CHODL: variants seen among roughly 807,000 people sequenced by gnomAD.
CHODL encodes transmembrane protein MT75.
In CHODL, 29 loss-of-function variants were observed where a neutral mutation model predicts 34.5. The observed-to-expected ratio is 0.84, with a 90% confidence interval of 0.63 to 1.15. The LOEUF (loss-of-function observed/expected upper bound fraction) is 1.15, where lower values mean the gene tolerates loss of function less well. CHODL is among the 50% of genes most tolerant of loss of function. The pLI is 0.00. For synonymous variants in CHODL, 125 were observed against 116.1 expected (o/e 1.08, Z -0.49); for missense variants, 332 against 332.5 (o/e 1.00, Z 0.01).
At chr21:18,044,786 C>T (rs1444434568) in intron 2 of CHODL, among the ~76,000 whole-genome samples, 2 of 151,834 alleles carry the variant, frequency 1.3e-5, no homozygotes, top group Non-Finnish European at 2.9e-5. Context: ...GCAAGCTAGC[C>T]TAAATTTACT....
At chr21:18,028,484 G>A (rs577736026) in intron 2 of CHODL, among the ~76,000 whole-genome samples, 1 of 151,838 alleles carries the variant, frequency 6.6e-6, no homozygotes, top group Admixed American at 6.6e-5. Context: ...ATCACCTGAG[G>A]TCAGGAGTTC....
At chr21:18,208,403 C>T (rs1028892783) in intron 2 of CHODL, among the ~76,000 whole-genome samples, 4 of 152,022 alleles carry the variant, frequency 2.6e-5, no homozygotes, top group African/African-American at 9.7e-5. Context: ...TCTTTAATTT[C>T]ATTGAGTTTC....
chr21:17,918,536 G>C (rs1252879057), intron 1 of CHODL, among the ~76,000 whole-genome samples: 1 of 151,980 alleles, frequency 6.6e-6, no homozygotes, highest in Non-Finnish European at 1.5e-5. Flanking sequence ...TTGAGATTCA[G>C]AACTGCCCCC....
intron 2 of CHODL, among the ~76,000 whole-genome samples, chr21:18,164,173 A>G (rs2073127650): frequency 6.6e-6 from 1 of 152,208 alleles, no homozygotes; most frequent in African/African-American, 2.4e-5. Context: ...CCAGGCTGCC[A>G]AGCAGCACAG....
intron 2 of CHODL, among the ~76,000 whole-genome samples, chr21:18,145,494 T>C (rs1426542291): frequency 6.7e-6 from 1 of 149,078 alleles, no homozygotes; most frequent in African/African-American, 2.5e-5. Context: ...ATCTTTAACC[T>C]ATATGTGAAA....
At position 18,265,977 on chromosome 21, in the gene CHODL, C is replaced by T. The variant is rs1297791674; in HGVS notation, c.761C>T (p.Pro254Leu). ...HKSKGRTKTS[P>L]NQSTLWISKS... The stretch of plus-strand genomic sequence containing the variant: ...AGTAAAGGAAGAACAAAAACTAGTC[C>T]AAACCAGTCTACACTGTGGATTTCA... The change falls in exon 6 of 6, where the codon CCA (proline) becomes CTA (leucine). Residue 254 changes from proline to leucine, a missense_variant. By Grantham distance (98) the Pro-to-Leu change is moderately conservative. Transcript: ENST00000299295. 2.5e-6 allele frequency: 4 copies of T among 1,612,834 alleles called. No homozygotes were observed. Among genetic ancestry groups the T allele is most frequent in the East Asian group, 2.2e-5 (1 of 44,786 alleles).
chr21:18,131,892 T>C (rs2072659286), intron 2 of CHODL, among the ~76,000 whole-genome samples: 1 of 152,188 alleles, frequency 6.6e-6, no homozygotes, highest in African/African-American at 2.4e-5. Flanking sequence ...AGAATTATCT[T>C]TTTTAAAAAG....
chr21:18,139,013 T>G (rs557913816), intron 2 of CHODL, among the ~76,000 whole-genome samples: 2 of 152,244 alleles, frequency 1.3e-5, no homozygotes, highest in South Asian at 4.1e-4. Context: ...TTTATTTTCT[T>G]CTATGTCATT....
Position 18,227,433 on chromosome 21 carries a change from G to A in CHODL, c.-44-29076G>A, listed in dbSNP as rs184884645. Among the ~76,000 whole-genome samples, 11 of 152,090 alleles carry A rather than the reference G, an allele frequency of 7.2e-5. No individual in the cohort carries two copies. In the East Asian group the frequency reaches 1.7e-3, roughly 24 times the overall value. ...TTTTAAAACATTGTTTAAACACCTC[G>A]TTTAAAACTTTACAACATATATGTT... On this transcript the variant is annotated intron_variant, in intron 2 of 6. Transcript: ENST00000400127.
chr21:17,984,873 C>T (rs1447600556), intron 1 of CHODL, among the ~76,000 whole-genome samples: 2 of 152,054 alleles, frequency 1.3e-5, no homozygotes, highest in Non-Finnish European at 2.9e-5. Flanking sequence ...ATTTGAAGTA[C>T]TTATATTGTC....
chr21:18,109,861 G>T (rs535923886), intron 2 of CHODL, among the ~76,000 whole-genome samples: 1 of 152,222 alleles, frequency 6.6e-6, no homozygotes, highest in East Asian at 1.9e-4. Flanking sequence ...GCATAAAAAG[G>T]TTAGAGGAAT....
chr21:18,232,971 A>ATATATATATATATATG (rs2073996822), intron 2 of CHODL, among the ~76,000 whole-genome samples: 1 of 133,874 alleles, frequency 7.5e-6, no homozygotes, highest in Non-Finnish European at 1.6e-5. Flanking sequence ...ATATATATAT[A>ATATATATATATATATG]TGTATATATA....
chr21:18,171,794 TTC>T (rs2073235758), intron 2 of CHODL, among the ~76,000 whole-genome samples: 1 of 150,710 alleles, frequency 6.6e-6, no homozygotes, highest in Admixed American at 6.6e-5. Context: ...CTGGTCTGTA[TTC>T]TTTGTCATAT....
At chr21:18,014,989 G>T (rs1300834694) in intron 1 of CHODL, among the ~76,000 whole-genome samples, 1 of 152,206 alleles carries the variant, frequency 6.6e-6, no homozygotes, top group Non-Finnish European at 1.5e-5. Flanking sequence ...TGTTGGAAGA[G>T]TTCGGAAGGC....
rs376710765 is a variant in CHODL at position 17,998,308 on chromosome 21, G to A, written c.-144-29564G>A. Among the ~76,000 whole-genome samples, 6 of 152,192 alleles carry A rather than the reference G, an allele frequency of 3.9e-5. No homozygotes were observed. In the East Asian group the frequency reaches 1.2e-3, roughly 29 times the overall value. On this transcript the variant is annotated intron_variant, in intron 1 of 6. Coordinates refer to the CHODL transcript ENST00000400127. ...AGCTCCACCCCTGTGGCTTTTCAGG[G>A]TACAGTCTCTCTCCTGGCTGCTTTC...
At chr21:18,225,825 T>C (rs1196752277) in intron 2 of CHODL, among the ~76,000 whole-genome samples, 1 of 152,124 alleles carries the variant, frequency 6.6e-6, no homozygotes, top group East Asian at 1.9e-4. Flanking sequence ...TAAATATCTT[T>C]ATGATTCCCA....
intron 2 of CHODL, among the ~76,000 whole-genome samples, chr21:18,139,728 C>T (rs1364644503): frequency 2.6e-5 from 4 of 152,158 alleles, no homozygotes; most frequent in East Asian, 1.9e-4. Context: ...AAATCACCCA[C>T]GACATTTAGA....
intron 2 of CHODL, among the ~76,000 whole-genome samples, chr21:18,175,338 A>C (rs1474259876): frequency 6.6e-6 from 1 of 152,208 alleles, no homozygotes; most frequent in Non-Finnish European, 1.5e-5. Flanking sequence ...TCATGCCTGT[A>C]ATCTCAGCAC....
intron 2 of CHODL, among the ~76,000 whole-genome samples, chr21:18,102,285 C>T (rs2065224951): frequency 6.6e-6 from 1 of 152,144 alleles, no homozygotes; most frequent in African/African-American, 2.4e-5. Context: ...TTTCAGGATT[C>T]CTACTTATGT....
Sources: allele counts gnomAD v4.1 joint callset (sites outside exome capture counted in the v4.1 genomes callset), GRCh38; gene constraint gnomAD v4.1.1; transcripts MANE v1.5; gene names NCBI Gene and HGNC (gene_info 2026-07-23, HGNC 2026-07-21).